The following MPDZ variants were observed in gnomAD, a reference collection of about 807,000 sequenced individuals.
The protein encoded by MPDZ is multiple PDZ domain crumbs cell polarity complex component, also known as multiple PDZ domain protein.
Under a neutral mutation model 239.1 loss-of-function variants are expected in MPDZ, and 234 were observed. The observed-to-expected ratio is 0.98, with a 90% CI of 0.88 to 1.09. MPDZ has a LOEUF of 1.09. Among genes scored for constraint, MPDZ ranks in the 50% least tolerant of loss-of-function variants. The pLI is 0.00. For missense variants in MPDZ, 3,175 were observed against 2,510.0 expected, an observed-to-expected ratio of 1.26 and a Z score of -5.66; for synonymous variants, 1,048 against 881.3, an observed-to-expected ratio of 1.19 and a Z score of -3.35.
rs778159921 is a variant in MPDZ, at chr9:13,183,601, T to A, written c.2482-16A>T. On this transcript the variant is annotated splice_polypyrimidine_tract_variant and intron_variant, in intron 18 of 46. Coordinates refer to ENST00000319217, the MANE Select transcript of MPDZ (RefSeq NM_001378778.1). The stretch of plus-strand genomic sequence containing the variant: ...TTGTGCCCACCTAGAAACAAAACAA[T>A]AATATCAGTTGGGAATTCTGTTCTA... 4 of 1,609,642 alleles carry A rather than the reference T, an allele frequency of 2.5e-6. No individual in the cohort carries two copies. In the Admixed American group the frequency reaches 6.8e-5, roughly 27 times the overall value.
intron 3 of MPDZ, among the ~76,000 whole-genome samples, chr9:13,236,085 G>A (rs958236624): frequency 2.7e-5 from 4 of 150,096 alleles, no homozygotes; most frequent in Non-Finnish European, 4.4e-5. Context: ...ATTCAAACCT[G>A]CAAAGATCTT....
chr9:13,136,832 C>T lies in MPDZ; in HGVS notation c.4201-29G>A, dbSNP rs1194833142. On this transcript the variant is annotated intron_variant, in intron 29 of 46. Coordinates refer to ENST00000319217, the MANE Select transcript of MPDZ (RefSeq NM_001378778.1). ...TGAGAAATAAATATCATTAGTTGGG[C>T]CTGAAATCTTAGTATCATAAAGTTT... The T allele has an allele frequency of 2.9e-6, 4 of 1,396,530 alleles. No homozygotes were observed. The African/African-American group carries it at 4.3e-5, about 15-fold the overall frequency. 86.5% of individuals were successfully genotyped at this position (1,396,530 alleles called of 1,614,324 possible). A position where few individuals can be genotyped will look rare whatever the true frequency, so the allele number is the denominator to read the frequency against.
At chr9:13,238,639 A>G (rs1964660929) in intron 3 of MPDZ, among the ~76,000 whole-genome samples, 1 of 152,196 alleles carries the variant, frequency 6.6e-6, no homozygotes, top group African/African-American at 2.4e-5. Flanking sequence ...TGCTACTTCA[A>G]CAGTGCAACT....
intron 23 of MPDZ, among the ~76,000 whole-genome samples, chr9:13,159,050 A>C (rs569164613): frequency 1.7e-4 from 26 of 152,310 alleles, no homozygotes; most frequent in African/African-American, 6.0e-4. Context: ...CTGAAGAATC[A>C]AAAGAAAGTA....
chr9:13,142,544 T>C (rs1183565040), intron 27 of MPDZ, among the ~76,000 whole-genome samples: 2 of 152,144 alleles, frequency 1.3e-5, no homozygotes, highest in Admixed American at 1.3e-4. Context: ...GATCACTCCA[T>C]GCCATGTATG....
intron 1 of MPDZ, among the ~76,000 whole-genome samples, chr9:13,264,301 T>C (rs963448681): frequency 2.6e-5 from 4 of 152,180 alleles, no homozygotes; most frequent in African/African-American, 9.7e-5. Flanking sequence ...AACACATAGA[T>C]ACACAACTTT....
chr9:13,255,221 C>A (rs1969143654), intron 1 of MPDZ, among the ~76,000 whole-genome samples: 1 of 152,168 alleles, frequency 6.6e-6, no homozygotes, highest in African/African-American at 2.4e-5. Context: ...GCAATTCAGT[C>A]ACATCTTCAG....
chr9:13,232,248 C>A (rs1265839726), intron 3 of MPDZ, among the ~76,000 whole-genome samples: 1 of 151,986 alleles, frequency 6.6e-6, no homozygotes, highest in Non-Finnish European at 1.5e-5. Flanking sequence ...GATGTAAAAT[C>A]AATACCAAAA....
rs147800902 is a variant in MPDZ at position 13,206,251 on chromosome 9, A to T, written c.1291-152T>A. 5.8e-4 allele frequency among the ~76,000 whole-genome samples: 89 copies of T among 152,238 alleles called. No individual in the cohort carries two copies. The East Asian group carries it at 9.3e-3, about 16-fold the overall frequency. ...AGGGAATTGACAGTAAGACCCTAAT[A>T]TCTCTTTGGAAACCAGTATTAACAG... On this transcript the variant is annotated intron_variant, in intron 10 of 46. Coordinates refer to ENST00000319217, the MANE Select transcript of MPDZ (RefSeq NM_001378778.1).
chr9:13,133,833 C>G lies in MPDZ; in HGVS notation c.4455G>C (p.Glu1485Asp). 1 of 1,599,010 alleles carries G rather than the reference C, an allele frequency of 6.3e-7. No homozygotes were observed. Among genetic ancestry groups the G allele is most frequent in the Non-Finnish European group, 8.6e-7 (1 of 1,168,570 alleles). ...TTCAAAGCAGATTTACCTTGGGAAGCTCCAGATGTTGCACATTTTTAAATG... is the reference window on the plus strand; with the variant it reads ...TTCAAAGCAGATTTACCTTGGGAAGGTCCAGATGTTGCACATTTTTAAATG... ...LSSFKNVQHL[E>D]LPKDQGGLGI... The change falls in exon 32 of 47, where the codon GAG becomes GAC. Residue 1485 changes from glutamate (E) to aspartate (D), a missense_variant. Transcript: ENST00000319217.
intron 31 of MPDZ, 84 bp from the exon 32 acceptor site, chr9:13,133,988 A>C (rs945019384): frequency 1.9e-6 from 1 of 533,538 alleles, no homozygotes; most frequent in African/African-American, 2.0e-5. Flanking sequence ...ACTTATTCAA[A>C]ATTATTTTAT....
intron 32 of MPDZ, among the ~76,000 whole-genome samples, chr9:13,129,028 A>AT (rs2131924513): frequency 6.6e-6 from 1 of 152,264 alleles, no homozygotes; most frequent in South Asian, 2.1e-4. Context: ...GAATTAGTTC[A>AT]TTTTTTTCTG....
At chr9:13,185,104 A>G (rs563229259) in intron 18 of MPDZ, among the ~76,000 whole-genome samples, 6 of 152,166 alleles carry the variant, frequency 3.9e-5, no homozygotes, top group Admixed American at 1.3e-4. Context: ...ACAGTACTGT[A>G]TGTAATTCGT....
chr9:13,172,481 C>T (rs995628180), intron 21 of MPDZ, among the ~76,000 whole-genome samples: 1 of 151,194 alleles, frequency 6.6e-6, no homozygotes, highest in Non-Finnish European at 1.5e-5. Context: ...CTCCCGAGTT[C>T]AAGGGATTCT....
intron 32 of MPDZ, among the ~76,000 whole-genome samples, chr9:13,130,188 C>T (rs956278449): frequency 1.3e-5 from 2 of 152,116 alleles, no homozygotes; most frequent in Non-Finnish European, 2.9e-5. Context: ...TTTCAGTCAG[C>T]TACTGTGGGT....
chr9:13,219,977 T>C (rs558472963), intron 7 of MPDZ, among the ~76,000 whole-genome samples: 5 of 152,124 alleles, frequency 3.3e-5, no homozygotes, highest in African/African-American at 1.2e-4. Flanking sequence ...ACATATAGTC[T>C]TTAAATCAAT....
intron 29 of MPDZ, among the ~76,000 whole-genome samples, chr9:13,137,676 C>T (rs1947021957): frequency 6.6e-6 from 1 of 152,136 alleles, no homozygotes; most frequent in South Asian, 2.1e-4. Flanking sequence ...AAATGCAGCA[C>T]ACAAAACAAA....
At chr9:13,141,879 T>G (rs888256168) in intron 27 of MPDZ, among the ~76,000 whole-genome samples, 1 of 152,116 alleles carries the variant, frequency 6.6e-6, no homozygotes, top group Non-Finnish European at 1.5e-5. Context: ...GACAAACAGA[T>G]AAAAGTTACT....
intron 13 of MPDZ, among the ~76,000 whole-genome samples, chr9:13,193,708 A>C (rs761828032): frequency 6.6e-6 from 1 of 152,232 alleles, no homozygotes; most frequent in Admixed American, 6.5e-5. Context: ...TTTATGCTGT[A>C]ACCAGAGACA....
Sources: allele counts gnomAD v4.1 joint callset (sites outside exome capture counted in the v4.1 genomes callset), GRCh38; gene constraint gnomAD v4.1.1; transcripts MANE v1.5; gene names NCBI Gene and HGNC (gene_info 2026-07-23, HGNC 2026-07-21).